The following INVS variants were observed in gnomAD, a reference collection of about 807,000 sequenced individuals.
The protein encoded by INVS is inversion of embryo turning homolog.
Under a neutral mutation model 108.8 loss-of-function variants are expected in INVS, and 86 were observed. The observed-to-expected ratio is 0.79, with a 90% CI of 0.66 to 0.95. The LOEUF (loss-of-function observed/expected upper bound fraction) is 0.95. Ranked by LOEUF, INVS falls within the 40% of genes least tolerant of loss-of-function variation. The pLI, the probability that INVS is intolerant of heterozygous loss-of-function variation, is 0.00. For synonymous variants in INVS, 455 were observed against 473.5 expected (o/e 0.96, Z 0.51); for missense variants, 1,169 against 1,297.4 (o/e 0.90, Z 1.52).
Position 100,302,147 on chromosome 9 carries a change from T to C in INVS, c.*1473T>C, listed in dbSNP as rs371643437. The C allele has an allele frequency of 1.7e-6, 2 of 1,160,024 alleles. No homozygotes were observed. Among genetic ancestry groups the C allele is most frequent in the African/African-American group, 3.1e-5 (2 of 64,630 alleles). 71.9% of individuals were successfully genotyped at this position (1,160,024 alleles called of 1,614,324 possible). A position where few individuals can be genotyped will look rare whatever the true frequency, so the allele number is the denominator to read the frequency against. ...CATCAGTCTTTTTCTTCAAATAAGA[T>C]AGATGTGAATAAACAACTTCAAACA... On this transcript the variant is annotated 3_prime_UTR_variant, in exon 17 of 17. Transcript: ENST00000262457.
At chr9:100,122,360 A>G (rs1046414394) in intron 2 of INVS, among the ~76,000 whole-genome samples, 3 of 152,034 alleles carry the variant, frequency 2.0e-5, no homozygotes, top group Admixed American at 6.6e-5. Flanking sequence ...GTGATTTAGT[A>G]TGTATACATT....
At chr9:100,287,988 C>T (rs1039957208) in intron 13 of INVS, among the ~76,000 whole-genome samples, 1 of 152,160 alleles carries the variant, frequency 6.6e-6, no homozygotes, top group African/African-American at 2.4e-5. Flanking sequence ...ACATTATCAA[C>T]ACCCCCCACA....
At chr9:100,102,796 G>C (rs1827040468) in intron 1 of INVS, 1 of 152,226 alleles carries the variant, frequency 6.6e-6, no homozygotes, top group Non-Finnish European at 1.5e-5. Context: ...CCTATGAATA[G>C]CCACTGCCCT....
intron 3 of INVS, among the ~76,000 whole-genome samples, chr9:100,161,929 A>G (rs552892596): frequency 6.6e-6 from 1 of 152,302 alleles, no homozygotes; most frequent in East Asian, 1.9e-4. Context: ...AATCCCATTC[A>G]TTGTTTGTCA....
rs145370862 is a variant in INVS at position 100,263,007 on chromosome 9, A to T, written c.1465-1815A>T. The stretch of plus-strand genomic sequence containing the variant: ...TCAAGCAATCTACCTGCCTCAGCCT[A>T]CGAAAGTGCTAGGATTACAGGCATG... On this transcript the variant is annotated intron_variant, in intron 10 of 16. Coordinates refer to ENST00000262457, the MANE Select transcript of INVS (RefSeq NM_014425.5). 3.9e-5 allele frequency among the ~76,000 whole-genome samples: 6 copies of T among 152,208 alleles called. No homozygotes were observed. The East Asian group carries it at 1.2e-3, about 29-fold the overall frequency.
rs1211014521 is a variant in INVS, at chr9:100,300,633, C to A, written c.3157C>A (p.Leu1053Met). The change falls in exon 17 of 17, where the codon CTG (leucine) becomes ATG (methionine). Residue 1053 changes from leucine to methionine, a missense_variant. Transcript: ENST00000262457. The part of the protein sequence containing the change: ...SGRSKNFSYN[L>M]QSATQPKNKT... ...AAGATCAAAGAACTTTTCTTATAAC[C>A]TGCAATCAGCTACTCAGCCAAAAAA... 4 of 1,613,930 alleles carry A rather than the reference C, an allele frequency of 2.5e-6. No individual in the cohort carries two copies. In the Admixed American group the frequency reaches 6.7e-5, roughly 27 times the overall value.
chr9:100,158,002 TTAATGTG>T (rs986807151), intron 3 of INVS, among the ~76,000 whole-genome samples: 2 of 152,238 alleles, frequency 1.3e-5, no homozygotes, highest in African/African-American at 2.4e-5. Context: ...TTAGTATTTC[TTAATGTG>T]GTGTATATCA....
intron 3 of INVS, among the ~76,000 whole-genome samples, chr9:100,150,170 T>C (rs1828763174): frequency 6.6e-6 from 1 of 152,232 alleles, no homozygotes; most frequent in African/African-American, 2.4e-5. Context: ...TTTTTCTTTA[T>C]CATACCTCTC....
At chr9:100,134,433 G>A (rs1828159272) in intron 3 of INVS, among the ~76,000 whole-genome samples, 1 of 152,168 alleles carries the variant, frequency 6.6e-6, no homozygotes, top group Non-Finnish European at 1.5e-5. Context: ...TTCGTATGAT[G>A]ACTTCTTTTC....
rs1252934236 is a variant in INVS, at chr9:100,301,479, C to T, written c.*805C>T. On this transcript the variant is annotated 3_prime_UTR_variant, in exon 17 of 17. Coordinates refer to ENST00000262457, the MANE Select transcript of INVS (RefSeq NM_014425.5). ...TGCTAACTCAGGCGTCAACGTTCTA[C>T]TTGTATTTTCTGACCAACTTGCAGA... Among the ~76,000 whole-genome samples, 2 of 152,162 alleles carry T rather than the reference C, an allele frequency of 1.3e-5. No individual in the cohort carries two copies. Among genetic ancestry groups the T allele is most frequent in the South Asian group, 4.1e-4 (2 of 4,826 alleles).
At chr9:100,151,801 C>T (rs1246531391) in intron 3 of INVS, among the ~76,000 whole-genome samples, 2 of 152,168 alleles carry the variant, frequency 1.3e-5, no homozygotes, top group Admixed American at 6.5e-5. Context: ...CAGATATGCA[C>T]ATATTTGTCT....
At position 100,100,895 on chromosome 9, in the gene INVS, TTA is replaced by T. The variant is rs1407954032; in HGVS notation, c.-25+1485_-25+1486del. 1.5e-3 allele frequency among the ~76,000 whole-genome samples: 58 copies of T among 39,542 alleles called. 1 individual carries two copies. The highest frequency in any genetic ancestry group is 2.7e-3 in the African/African-American group (17 of 6,216). The allele number at this position is 39,542 out of a possible 152,430, so 25.9% of individuals were successfully genotyped here. ...ATTATATATGTATATATAATATATA[TTA>T]TATATGTATATATATTATATGTATA... On this transcript the variant is annotated intron_variant, in intron 1 of 16. Transcript: ENST00000262457.
chr9:100,183,004 C>G (rs1310367517), intron 3 of INVS, among the ~76,000 whole-genome samples: 1 of 152,122 alleles, frequency 6.6e-6, no homozygotes, highest in East Asian at 1.9e-4. Flanking sequence ...AACCATCATT[C>G]TCAGCAAACT....
At chr9:100,235,149 G>A (rs567840305) in intron 5 of INVS, among the ~76,000 whole-genome samples, 1 of 151,080 alleles carries the variant, frequency 6.6e-6, no homozygotes, top group Admixed American at 6.6e-5. Context: ...GATCTTTGTT[G>A]GTTTAAAGTC....
chr9:100,199,812 T>C (rs573033259), intron 3 of INVS, among the ~76,000 whole-genome samples: 7 of 152,280 alleles, frequency 4.6e-5, no homozygotes, highest in African/African-American at 1.7e-4. Context: ...ATATTAACCA[T>C]GCTTTGGATT....
chr9:100,289,378 G>A (rs1352424549), intron 13 of INVS, among the ~76,000 whole-genome samples: 1 of 152,126 alleles, frequency 6.6e-6, no homozygotes, highest in Non-Finnish European at 1.5e-5. Flanking sequence ...AATACCCTGG[G>A]TTTTGTATTT....
At chr9:100,105,466 A>G (rs1299739289) in intron 2 of INVS, among the ~76,000 whole-genome samples, 1 of 151,918 alleles carries the variant, frequency 6.6e-6, no homozygotes, top group Non-Finnish European at 1.5e-5. Flanking sequence ...CTGTTTCCCC[A>G]CCTTTTTTCT....
chr9:100,193,970 C>A (rs1488630085), intron 3 of INVS, among the ~76,000 whole-genome samples: 1 of 152,184 alleles, frequency 6.6e-6, no homozygotes, highest in Admixed American at 6.5e-5. Flanking sequence ...ATTGTTTAAC[C>A]ATTTGCCTGT....
In INVS at chr9:100,300,772, A is replaced by G. The variant is rs886063274; in HGVS notation, c.*98A>G. On this transcript the variant is annotated 3_prime_UTR_variant, in exon 17 of 17. Transcript: ENST00000262457. The stretch of plus-strand genomic sequence containing the variant: ...TCTTTTACACCTTGGGAAAACTTTA[A>G]TATCCGTACCTGAAGGCTGATTCAC... 1 of 825,726 alleles carries G rather than the reference A, an allele frequency of 1.2e-6. No individual in the cohort carries two copies. The allele number at this position is 825,726 out of a possible 1,614,324, so 51.1% of individuals were successfully genotyped here.
Sources: allele counts gnomAD v4.1 joint callset (sites outside exome capture counted in the v4.1 genomes callset), GRCh38; gene constraint gnomAD v4.1.1; transcripts MANE v1.5; gene names NCBI Gene and HGNC (gene_info 2026-07-23, HGNC 2026-07-21).